Variants in NRG2 observed in about 807,000 individuals in gnomAD.
NRG2 encodes the protein neuregulin 2.
In NRG2, 27 loss-of-function variants were observed where a neutral mutation model predicts 73.9. The observed-to-expected ratio is 0.37, with a 90% CI of 0.27 to 0.50. The LOEUF is 0.50. Ranked by LOEUF, NRG2 falls within the 20% of genes least tolerant of loss-of-function variation. The pLI, the probability that NRG2 is intolerant of heterozygous loss-of-function variation, is 0.96. For missense variants in NRG2, 1,126 were observed against 1,210.1 expected (o/e 0.93, Z 1.03); for synonymous variants, 532 against 541.0 (o/e 0.98, Z 0.23).
At chr5:139,933,303 G>A (rs878916559) in intron 1 of NRG2, among the ~76,000 whole-genome samples, 1 of 151,866 alleles carries the variant, frequency 6.6e-6, no homozygotes, top group Non-Finnish European at 1.5e-5. Flanking sequence ...CAAATTATGT[G>A]CTTTCCTCAA....
chr5:139,970,042 C>T (rs920847749), intron 1 of NRG2, among the ~76,000 whole-genome samples: 4 of 152,240 alleles, frequency 2.6e-5, no homozygotes, highest in South Asian at 2.1e-4. Flanking sequence ...AAAGACAAAC[C>T]GAATAACCTT....
At chr5:139,928,083 C>G (rs1263220239) in intron 1 of NRG2, among the ~76,000 whole-genome samples, 1 of 152,162 alleles carries the variant, frequency 6.6e-6, no homozygotes, top group Non-Finnish European at 1.5e-5. Context: ...AGTCCCCAAC[C>G]AACAGCCAAA....
intron 1 of NRG2, among the ~76,000 whole-genome samples, chr5:139,918,906 T>C (rs917533829): frequency 6.6e-6 from 1 of 152,062 alleles, no homozygotes; most frequent in African/African-American, 2.4e-5. Flanking sequence ...AAGAAATCAG[T>C]GGTGGAGAGG....
At position 139,994,654 on chromosome 5, in the gene NRG2, C is replaced by CT. The variant is rs1285430772; in HGVS notation, c.700+47715dup. Reference sequence around the variant, plus strand: ...TTTTGTGTTGTGTTCTTCACTATCACTTTTTTTAATGCCAAATGAAGTGGT... The same window carrying CT: ...TTTTGTGTTGTGTTCTTCACTATCACTTTTTTTTAATGCCAAATGAAGTGGT... On this transcript the variant is annotated intron_variant, in intron 1 of 9. Coordinates refer to ENST00000361474, the MANE Select transcript of NRG2 (RefSeq NM_004883.3). Among the ~76,000 whole-genome samples the CT allele has an allele frequency of 2.0e-5, 3 of 152,098 alleles. No homozygotes were observed. In the South Asian group the frequency reaches 6.2e-4, roughly 32 times the overall value.
intron 3 of NRG2, among the ~76,000 whole-genome samples, chr5:139,879,930 C>G (rs901605138): frequency 2.0e-5 from 3 of 152,094 alleles, no homozygotes; most frequent in African/African-American, 7.2e-5. Flanking sequence ...GTCTGAGGGT[C>G]ATAGGGCAGA....
At chr5:139,893,727 A>G (rs1764368103) in intron 1 of NRG2, among the ~76,000 whole-genome samples, 1 of 152,140 alleles carries the variant, frequency 6.6e-6, no homozygotes, top group African/African-American at 2.4e-5. Context: ...TCCTGGGACA[A>G]GGGTTCACTG....
rs897717488 is a variant in NRG2 at position 139,904,405 on chromosome 5, G to C, written c.701-16894C>G. On this transcript the variant is annotated intron_variant, in intron 1 of 9. Transcript: ENST00000361474. The surrounding 1 kb of genome is among the most constrained non-coding windows in gnomAD (Gnocchi z 6.0). Reference sequence around the variant, plus strand: ...CCTCCTGGACTCCGACATTCTGCACGGGGTCCCAGGCGGTGGGACGGCCTC... The same window carrying C: ...CCTCCTGGACTCCGACATTCTGCACCGGGTCCCAGGCGGTGGGACGGCCTC... 5.9e-6 allele frequency: 9 copies of C among 1,515,172 alleles called. No homozygotes were observed. Among genetic ancestry groups the C allele is most frequent in the African/African-American group, 4.2e-5 (3 of 71,680 alleles). The allele number at this position is 1,515,172 out of a possible 1,614,324, so 93.9% of individuals were successfully genotyped here.
At chr5:139,859,102 C>T (rs988103458) in intron 5 of NRG2, among the ~76,000 whole-genome samples, 9 of 152,120 alleles carry the variant, frequency 5.9e-5, no homozygotes, top group South Asian at 4.1e-4. Flanking sequence ...AGGAGCCTCC[C>T]GGTGCAAAGC....
At position 139,865,244 on chromosome 5, in the gene NRG2, C is replaced by T. The variant is rs541899974; in HGVS notation, c.1189+305G>A. 55 of 1,290,120 alleles carry T rather than the reference C, an allele frequency of 4.3e-5. No individual in the cohort carries two copies. The highest frequency in any genetic ancestry group is 1.1e-4 in the South Asian group (9 of 82,944). 79.9% of individuals were successfully genotyped at this position (1,290,120 alleles called of 1,614,324 possible). On this transcript the variant is annotated intron_variant, in intron 5 of 9. Transcript: ENST00000361474. This position sits in a 1 kb window ranked among gnomAD's most constrained non-coding sequence, Gnocchi z 5.2. ...ACACAGGCATTGCAACACCCCGGCA[C>T]GGGCTCCTGCCAATGCCAGCTGGGT...
In NRG2 at chr5:139,887,338, A is replaced by G; in HGVS notation, c.872+2T>C. 5 of 1,613,624 alleles carry G rather than the reference A, an allele frequency of 3.1e-6. No individual in the cohort carries two copies. The highest frequency in any genetic ancestry group is 4.2e-6 in the Non-Finnish European group (5 of 1,179,856). ...ATGGAGGACAGGCTGGATATTGCTT[A>G]CCTGCCGTTGCCATATTTGATGCGA... On this transcript the variant is annotated splice_donor_variant, in intron 2 of 9. Transcript: ENST00000361474. LOFTEE classifies it high-confidence loss of function. The surrounding 1 kb of genome is among the most constrained non-coding windows in gnomAD (Gnocchi z 4.5).
intron 1 of NRG2, among the ~76,000 whole-genome samples, chr5:139,922,867 G>A (rs1751776122): frequency 1.3e-5 from 2 of 152,160 alleles, no homozygotes; most frequent in Non-Finnish European, 2.9e-5. Context: ...GCTACATACT[G>A]TATGATTCCA....
Position 140,008,019 on chromosome 5 carries a change from G to A in NRG2, c.700+34351C>T, listed in dbSNP as rs1489758623. Among the ~76,000 whole-genome samples, 1 of 152,178 alleles carries A rather than the reference G, an allele frequency of 6.6e-6. No individual in the cohort carries two copies. Among genetic ancestry groups the A allele is most frequent in the Non-Finnish European group, 1.5e-5 (1 of 68,028 alleles). ...GTCACCAGGAAGTCTGATACTGTGA[G>A]ACCCACAGCCGCCAGTCCTATAGTA... On this transcript the variant is annotated intron_variant, in intron 1 of 9. Transcript: ENST00000361474. This position sits in a 1 kb window ranked among gnomAD's most constrained non-coding sequence, Gnocchi z 4.2.
intron 1 of NRG2, among the ~76,000 whole-genome samples, chr5:139,949,935 CT>C (rs1445798305): frequency 6.6e-6 from 1 of 152,180 alleles, no homozygotes; most frequent in Non-Finnish European, 1.5e-5. Flanking sequence ...ACTAGTACTG[CT>C]ACATTCTTTG....
In NRG2 at chr5:139,904,511, C is replaced by T. The variant is rs548404398; in HGVS notation, c.701-17000G>A. 1,599 of 565,074 alleles carry T rather than the reference C, an allele frequency of 2.8e-3. 7 individuals carry two copies. The highest frequency in any genetic ancestry group is 9.1e-3 in the Admixed American group (282 of 31,022). The allele number at this position is 565,074 out of a possible 1,614,324, so 35.0% of individuals were successfully genotyped here. ...GGCGCCTTTCTTATAGGCGGTCACA[C>T]CCTCCGGGGGAGGGGAGCAGCGAGC... On this transcript the variant is annotated intron_variant, in intron 1 of 9. Transcript: ENST00000361474. This position sits in a 1 kb window ranked among gnomAD's most constrained non-coding sequence, Gnocchi z 6.0.
At chr5:139,848,765 G>GGGTT in intron 9 of NRG2, 68 bp from the exon 10 acceptor site, 1 of 652,272 alleles carries the variant, frequency 1.5e-6, no homozygotes, top group African/African-American at 2.0e-5. Flanking sequence ...GGGGTTGGGG[G>GGGTT]TGGGGTAGGG....
In NRG2 at chr5:139,894,049, C is replaced by T. The variant is rs1764392912; in HGVS notation, c.701-6538G>A. 6.6e-6 allele frequency among the ~76,000 whole-genome samples: 1 copy of T among 151,888 alleles called. No individual in the cohort carries two copies. The highest frequency in any genetic ancestry group is 1.5e-5 in the Non-Finnish European group (1 of 68,020). Reference sequence around the variant, plus strand: ...GGACTGCTCTCTTCCCACATCCCAGCCCTGAGACCAGGGGGTGCCGCTGCT... The same window carrying T: ...GGACTGCTCTCTTCCCACATCCCAGTCCTGAGACCAGGGGGTGCCGCTGCT... On this transcript the variant is annotated intron_variant, in intron 1 of 9. Transcript: ENST00000361474. This position sits in a 1 kb window ranked among gnomAD's most constrained non-coding sequence, Gnocchi z 5.0.
intron 5 of NRG2, among the ~76,000 whole-genome samples, chr5:139,863,866 C>T (rs1227068800): frequency 6.6e-6 from 1 of 152,222 alleles, no homozygotes; most frequent in Non-Finnish European, 1.5e-5. Flanking sequence ...TCCCATCCCC[C>T]AGGGGTCTCT....
At chr5:139,854,960 C>T (rs1371742892) in intron 6 of NRG2, among the ~76,000 whole-genome samples, 8 of 152,184 alleles carry the variant, frequency 5.3e-5, no homozygotes, top group African/African-American at 1.9e-4. Context: ...TGTCCCTGGC[C>T]CTTTGCTCCA....
intron 1 of NRG2, among the ~76,000 whole-genome samples, chr5:140,005,131 C>T (rs1758788794): frequency 6.6e-6 from 1 of 152,132 alleles, no homozygotes; most frequent in Non-Finnish European, 1.5e-5. Flanking sequence ...TAAAAAATGT[C>T]TATTAGGTCT....
Sources: allele counts gnomAD v4.1 joint callset (sites outside exome capture counted in the v4.1 genomes callset), GRCh38; gene constraint gnomAD v4.1.1; non-coding constraint Gnocchi (gnomAD v3.1); transcripts MANE v1.5; gene names NCBI Gene and HGNC (gene_info 2026-07-23, HGNC 2026-07-21).